TDRD3: variants seen among roughly 807,000 people sequenced by gnomAD.
TDRD3 encodes tudor domain-containing protein 3.
Under a neutral mutation model 86.7 loss-of-function variants are expected in TDRD3, and 45 were observed. The ratio of observed to expected loss-of-function variants is 0.52; its 90% CI spans 0.41 to 0.67. The LOEUF is 0.67. Ranked by LOEUF, TDRD3 falls within the 30% of genes least tolerant of loss-of-function variation. The pLI is 0.00. For missense variants in TDRD3, 814 were observed against 889.0 expected (o/e 0.92, Z 1.07); for synonymous variants, 298 against 301.7 (o/e 0.99, Z 0.13).
chr13:60,565,589 G>A (rs900818443), intron 12 of TDRD3, among the ~76,000 whole-genome samples: 24 of 152,044 alleles, frequency 1.6e-4, no homozygotes, highest in Non-Finnish European at 2.9e-4. Context: ...CAAATACAGT[G>A]TCCTATCTCT....
intron 10 of TDRD3, among the ~76,000 whole-genome samples, chr13:60,520,013 A>G (rs1957256664): frequency 6.6e-6 from 1 of 152,152 alleles, no homozygotes; most frequent in Non-Finnish European, 1.5e-5. Context: ...CACTAGTCTT[A>G]TGCTTTATGC....
At chr13:60,402,337 C>G (rs11148497) in intron 1 of TDRD3, among the ~76,000 whole-genome samples, 20,845 of 152,126 alleles carry the variant, frequency 0.14, 1,503 homozygotes, top group East Asian at 0.19. Flanking sequence ...TCTGCAGTAG[C>G]AGTAATGTAA....
chr13:60,542,486 T>C (rs1421374747), intron 12 of TDRD3, among the ~76,000 whole-genome samples: 3 of 152,230 alleles, frequency 2.0e-5, no homozygotes, highest in Non-Finnish European at 2.9e-5. Context: ...ATTTCTGAGC[T>C]TCTTTCATCT....
At chr13:60,450,418 C>T (rs9538705) in intron 3 of TDRD3, among the ~76,000 whole-genome samples, 19,491 of 152,062 alleles carry the variant, frequency 0.13, 1,399 homozygotes, top group East Asian at 0.19. Flanking sequence ...GAGATAGATC[C>T]GAATTGGAAT....
chr13:60,447,593 T>C (rs1955432678), intron 3 of TDRD3, among the ~76,000 whole-genome samples: 1 of 152,126 alleles, frequency 6.6e-6, no homozygotes, highest in Non-Finnish European at 1.5e-5. Context: ...TTCAAGGGGA[T>C]TCAATAAATA....
chr13:60,547,192 C>A, intron 12 of TDRD3: 2 of 964,682 alleles, frequency 2.1e-6, no homozygotes, highest in Non-Finnish European at 2.5e-6. Flanking sequence ...AAAGTATAAC[C>A]AAAAAAAATC....
At chr13:60,447,815 C>T (rs1280912575) in intron 3 of TDRD3, among the ~76,000 whole-genome samples, 2 of 152,080 alleles carry the variant, frequency 1.3e-5, no homozygotes, top group Admixed American at 1.3e-4. Context: ...GCATTTGGCC[C>T]AGTATTTAAG....
chr13:60,476,175 GTTACA>G (rs1189439116), intron 5 of TDRD3, among the ~76,000 whole-genome samples: 3 of 152,146 alleles, frequency 2.0e-5, no homozygotes, highest in Admixed American at 1.3e-4. Flanking sequence ...TGTTTTAGAT[GTTACA>G]TTAAAGTCTT....
chr13:60,492,483 G>T (rs1956608558), intron 7 of TDRD3, among the ~76,000 whole-genome samples: 1 of 152,176 alleles, frequency 6.6e-6, no homozygotes, highest in South Asian at 2.1e-4. Flanking sequence ...CTGAGGCTCT[G>T]TGGAAGGTGG....
Position 60,529,104 on chromosome 13 carries a change from A to C in TDRD3, c.1879A>C (p.Arg627=). 6.2e-7 allele frequency: 1 copy of C among 1,614,036 alleles called. No individual in the cohort carries two copies. The highest frequency in any genetic ancestry group is 8.5e-7 in the Non-Finnish European group (1 of 1,179,930). ...KIFYNSGPKR[R]SGPIKPEKIL... ...ATTTTACAATAGTGGGCCCAAACGAAGATCTGGGCCAATTAAGCCAGAAAA... is the reference window on the plus strand; with the variant it reads ...ATTTTACAATAGTGGGCCCAAACGACGATCTGGGCCAATTAAGCCAGAAAA... The change falls in exon 11 of 14, where the codon AGA becomes CGA. Residue 627 remains arginine, a synonymous_variant. Transcript: ENST00000377881.
intron 3 of TDRD3, among the ~76,000 whole-genome samples, chr13:60,450,889 A>C (rs1486730920): frequency 6.6e-6 from 1 of 152,190 alleles, no homozygotes. Flanking sequence ...TCAATGAAGG[A>C]ATAGTGGGTA....
intron 1 of TDRD3, among the ~76,000 whole-genome samples, chr13:60,437,518 G>C (rs1226308895): frequency 6.6e-6 from 1 of 151,622 alleles, no homozygotes; most frequent in Non-Finnish European, 1.5e-5. Flanking sequence ...TGTATTTTTG[G>C]GGCAAGTTTA....
At chr13:60,482,411 A>G (rs1161776884) in intron 5 of TDRD3, among the ~76,000 whole-genome samples, 3 of 152,058 alleles carry the variant, frequency 2.0e-5, no homozygotes, top group Non-Finnish European at 2.9e-5. Context: ...ACACATTGTT[A>G]AGATTGTTAG....
chr13:60,563,919 G>C (rs965011392), intron 12 of TDRD3, among the ~76,000 whole-genome samples: 1 of 152,202 alleles, frequency 6.6e-6, no homozygotes, highest in Non-Finnish European at 1.5e-5. Context: ...GAAAAACGCA[G>C]TTGTAACTTG....
At chr13:60,425,664 G>A (rs1954782440) in intron 1 of TDRD3, among the ~76,000 whole-genome samples, 1 of 151,980 alleles carries the variant, frequency 6.6e-6, no homozygotes. Flanking sequence ...AGTTGATCTT[G>A]AACAGTACGG....
intron 1 of TDRD3, among the ~76,000 whole-genome samples, chr13:60,430,515 G>A (rs1954927428): frequency 6.6e-6 from 1 of 152,112 alleles, no homozygotes; most frequent in South Asian, 2.1e-4. Flanking sequence ...CTGAATTAAT[G>A]TATGAAAATA....
In TDRD3 at chr13:60,460,428, G is replaced by A; in HGVS notation, c.241G>A (p.Ala81Thr). 1 of 1,604,512 alleles carries A rather than the reference G, an allele frequency of 6.2e-7. No homozygotes were observed. Among genetic ancestry groups the A allele is most frequent in the Non-Finnish European group, 8.5e-7 (1 of 1,177,584 alleles). The change falls in exon 4 of 14, where the codon GCA becomes ACA. Residue 81 changes from alanine (A) to threonine (T), a missense_variant. Transcript: ENST00000377881. ...AATTCAAAAAATTCGCAATGTTGCT[G>A]CACCAAAGGATAATGAAGAATCTCA... ...LQIQKIRNVA[A>T]PKDNEESQAA...
chr13:60,519,315 A>G (rs188855877), intron 10 of TDRD3, among the ~76,000 whole-genome samples: 112 of 152,316 alleles, frequency 7.4e-4, no homozygotes, highest in Admixed American at 1.6e-3. Context: ...TGCAAAATAT[A>G]TATTATTTCC....
intron 1 of TDRD3, among the ~76,000 whole-genome samples, chr13:60,406,535 ATG>A (rs1954238941): frequency 6.6e-6 from 1 of 152,216 alleles, no homozygotes. Flanking sequence ...GACAGTACTG[ATG>A]TAAGAACCAA....
Sources: allele counts gnomAD v4.1 joint callset (sites outside exome capture counted in the v4.1 genomes callset), GRCh38; gene constraint gnomAD v4.1.1; transcripts MANE v1.5; gene names NCBI Gene and HGNC (gene_info 2026-07-23, HGNC 2026-07-21).